Variants in SNTB1 observed in about 807,000 individuals in gnomAD.
The protein encoded by SNTB1 is syntrophin beta 1, also known as beta-1-syntrophin.
In SNTB1, 36 loss-of-function variants were observed where a neutral mutation model predicts 48.9. The ratio of observed to expected loss-of-function variants is 0.74; its 90% CI spans 0.56 to 0.97. SNTB1 has a LOEUF of 0.97. Ranked by LOEUF, SNTB1 falls within the 50% of genes least tolerant of loss-of-function variation. The pLI, the probability that SNTB1 is intolerant of heterozygous loss-of-function variation, is 0.00. For missense variants in SNTB1, 786 were observed against 703.4 expected (o/e 1.12, Z -1.33); for synonymous variants, 299 against 294.6 (o/e 1.01, Z -0.15).
intron 1 of SNTB1, among the ~76,000 whole-genome samples, chr8:120,783,967 A>G (rs1348761883): frequency 6.6e-6 from 1 of 152,128 alleles, no homozygotes; most frequent in African/African-American, 2.4e-5. Flanking sequence ...TGTGTAGGTT[A>G]CATGCAAATA....
intron 2 of SNTB1, among the ~76,000 whole-genome samples, chr8:120,692,969 A>G (rs1362491584): frequency 6.6e-6 from 1 of 152,194 alleles, no homozygotes; most frequent in Non-Finnish European, 1.5e-5. Flanking sequence ...ACGGTTCTGC[A>G]AGTTGTACAG....
intron 1 of SNTB1, among the ~76,000 whole-genome samples, chr8:120,745,237 T>C (rs1819107176): frequency 6.6e-6 from 1 of 152,086 alleles, no homozygotes; most frequent in Non-Finnish European, 1.5e-5. Context: ...CCCCTGTTGA[T>C]GCATCTCCCT....
intron 3 of SNTB1, among the ~76,000 whole-genome samples, chr8:120,596,093 T>A (rs1816318601): frequency 6.6e-6 from 1 of 152,184 alleles, no homozygotes; most frequent in African/African-American, 2.4e-5. Flanking sequence ...TATAATCACA[T>A]ACATCCATAC....
intron 1 of SNTB1, among the ~76,000 whole-genome samples, chr8:120,767,739 T>G (rs1192321394): frequency 2.0e-5 from 3 of 152,214 alleles, no homozygotes; most frequent in Non-Finnish European, 4.4e-5. Flanking sequence ...CTAAAGCCAT[T>G]GCAAGAGTGC....
In SNTB1 at chr8:120,639,077, C is replaced by T. The variant is rs1255299762; in HGVS notation, c.789-6426G>A. On this transcript the variant is annotated intron_variant, in intron 2 of 6. Coordinates refer to ENST00000517992, the MANE Select transcript of SNTB1 (RefSeq NM_021021.4). ...GTTGTTTCCTGACCTTTTTAATGAT[C>T]GCCATTCTAACTGGTGTGAGATGGT... Among the ~76,000 whole-genome samples the T allele has an allele frequency of 5.3e-5, 8 of 152,276 alleles. No homozygotes were observed. In the East Asian group the frequency reaches 9.7e-4, roughly 18 times the overall value.
intron 2 of SNTB1, among the ~76,000 whole-genome samples, chr8:120,641,160 G>C (rs180842227): frequency 3.2e-4 from 48 of 152,194 alleles, no homozygotes; most frequent in Admixed American, 1.8e-3. Flanking sequence ...TAATAAATCT[G>C]GGGTGAGTTC....
intron 1 of SNTB1, among the ~76,000 whole-genome samples, chr8:120,755,367 T>A (rs1223306045): frequency 6.6e-6 from 1 of 152,052 alleles, no homozygotes; most frequent in Non-Finnish European, 1.5e-5. Flanking sequence ...TGAGTGGTAT[T>A]AACAGAAGTG....
At chr8:120,555,131 C>T (rs1390439976) in intron 4 of SNTB1, among the ~76,000 whole-genome samples, 1 of 152,254 alleles carries the variant, frequency 6.6e-6, no homozygotes, top group East Asian at 1.9e-4. Context: ...GAAGTGGCTA[C>T]CTTGCCTGGG....
intron 3 of SNTB1, among the ~76,000 whole-genome samples, chr8:120,582,382 A>G (rs1225432748): frequency 6.6e-6 from 1 of 151,260 alleles, no homozygotes; most frequent in Non-Finnish European, 1.5e-5. Flanking sequence ...CTAGAAATAG[A>G]AAAAAAAATT....
chr8:120,571,631 G>A (rs1231637749), intron 4 of SNTB1, among the ~76,000 whole-genome samples: 1 of 151,680 alleles, frequency 6.6e-6, no homozygotes, highest in Non-Finnish European at 1.5e-5. Flanking sequence ...CTGAGCAGCT[G>A]GGAACCACAG....
intron 4 of SNTB1, among the ~76,000 whole-genome samples, chr8:120,571,824 G>A (rs1433354748): frequency 3.3e-5 from 5 of 152,040 alleles, no homozygotes. Context: ...TTATTACAAA[G>A]CTGTATTTTA....
intron 1 of SNTB1, among the ~76,000 whole-genome samples, chr8:120,723,798 A>G (rs1296306632): frequency 6.6e-6 from 1 of 152,258 alleles, no homozygotes; most frequent in African/African-American, 2.4e-5. Context: ...AAATGTGTTT[A>G]GAACCCCAGG....
intron 2 of SNTB1, among the ~76,000 whole-genome samples, chr8:120,659,941 G>C (rs749700827): frequency 2.0e-5 from 3 of 152,188 alleles, no homozygotes; most frequent in Non-Finnish European, 4.4e-5. Context: ...TCAATAAGCA[G>C]TAATATTTTG....
intron 2 of SNTB1, among the ~76,000 whole-genome samples, chr8:120,660,487 C>G (rs1817571179): frequency 6.6e-6 from 1 of 152,202 alleles, no homozygotes; most frequent in Non-Finnish European, 1.5e-5. Context: ...GAATTGAAGA[C>G]AGTTAGGGCC....
At chr8:120,540,867 G>A (rs981145720) in intron 6 of SNTB1, among the ~76,000 whole-genome samples, 1 of 152,176 alleles carries the variant, frequency 6.6e-6, no homozygotes, top group South Asian at 2.1e-4. Context: ...ATTTAGAAGA[G>A]TGGGGCTGCA....
chr8:120,579,694 A>AG (rs1816012610), intron 3 of SNTB1, among the ~76,000 whole-genome samples: 1 of 96,228 alleles, frequency 1.0e-5, no homozygotes, highest in Non-Finnish European at 2.3e-5. Context: ...AGAAAAGAAA[A>AG]CAAACAAACA....
intron 2 of SNTB1, among the ~76,000 whole-genome samples, chr8:120,668,794 T>C (rs1563846844): frequency 6.6e-6 from 1 of 152,218 alleles, no homozygotes; most frequent in Non-Finnish European, 1.5e-5. Context: ...CTAAATGATT[T>C]TACTAATTCT....
chr8:120,801,942 T>C (rs73707129), intron 1 of SNTB1, among the ~76,000 whole-genome samples: 3,903 of 152,264 alleles, frequency 0.026, 170 homozygotes, highest in African/African-American at 0.09. Flanking sequence ...GCAAGTTCCC[T>C]TTCTGAGTGA....
intron 3 of SNTB1, among the ~76,000 whole-genome samples, chr8:120,608,021 C>T (rs1156623316): frequency 6.6e-6 from 1 of 152,184 alleles, no homozygotes; most frequent in African/African-American, 2.4e-5. Flanking sequence ...ACTTATATTG[C>T]CTACATGATC....
Sources: gnomAD v4.1 joint callset for allele counts (sites outside exome capture counted in the v4.1 genomes callset) on GRCh38, gnomAD v4.1.1 for gene constraint, MANE v1.5 for transcripts, NCBI Gene and HGNC (gene_info 2026-07-23, HGNC 2026-07-21) for gene names.